The following NKAIN3 variants were observed in gnomAD, a reference collection of about 807,000 sequenced individuals.
NKAIN3 encodes sodium/potassium transporting ATPase interacting 3.
In NKAIN3, 25 loss-of-function variants were observed where a neutral mutation model predicts 30.2. The ratio of observed to expected loss-of-function variants is 0.83; its 90% confidence interval spans 0.60 to 1.16. The LOEUF (loss-of-function observed/expected upper bound fraction) is 1.16, where lower values mean the gene tolerates loss of function less well. Among genes scored for constraint, NKAIN3 ranks in the 50% most tolerant of loss-of-function variants. NKAIN3 has a pLI of 0.00. For missense variants in NKAIN3, 225 were observed against 254.1 expected, an observed-to-expected ratio of 0.89 and a Z score of 0.78; for synonymous variants, 91 against 89.6, an observed-to-expected ratio of 1.02 and a Z score of -0.09.
chr8:62,270,059 T>C (rs575818639), intron 1 of NKAIN3, among the ~76,000 whole-genome samples: 12 of 152,154 alleles, frequency 7.9e-5, no homozygotes, highest in African/African-American at 2.9e-4. Context: ...TATTTTTCCA[T>C]TGTTTTGTAA....
intron 5 of NKAIN3, among the ~76,000 whole-genome samples, chr8:62,995,139 T>G (rs1227046803): frequency 6.6e-6 from 1 of 152,192 alleles, no homozygotes; most frequent in African/African-American, 2.4e-5. Flanking sequence ...ATTAAATAGC[T>G]CTACAGATGC....
intron 4 of NKAIN3, among the ~76,000 whole-genome samples, chr8:62,747,584 C>T (rs889608960): frequency 5.9e-5 from 9 of 152,194 alleles, no homozygotes; most frequent in African/African-American, 2.2e-4. Context: ...AGACTCTTCG[C>T]ATTTTAGTGC....
intron 1 of NKAIN3, among the ~76,000 whole-genome samples, chr8:62,459,889 G>C (rs1314707601): frequency 1.3e-5 from 2 of 152,206 alleles, no homozygotes; most frequent in East Asian, 3.9e-4. Context: ...GTCATGCTAA[G>C]AACTTAGTGT....
intron 6 of NKAIN3, among the ~76,000 whole-genome samples, chr8:62,954,352 A>G (rs1430021748): frequency 1.3e-5 from 2 of 152,198 alleles, no homozygotes; most frequent in Non-Finnish European, 2.9e-5. Flanking sequence ...TGTGACATCC[A>G]GGTGCCTTCC....
intron 3 of NKAIN3, among the ~76,000 whole-genome samples, chr8:62,683,340 G>A (rs367783840): frequency 6.6e-6 from 1 of 151,994 alleles, no homozygotes; most frequent in South Asian, 2.1e-4. Flanking sequence ...GGCCACTATG[G>A]GTCAGTTTTT....
At chr8:62,711,758 T>C (rs1475028294) in intron 3 of NKAIN3, among the ~76,000 whole-genome samples, 1 of 152,216 alleles carries the variant, frequency 6.6e-6, no homozygotes, top group Non-Finnish European at 1.5e-5. Context: ...GCATTTCTTC[T>C]TGGTTTGGAT....
intron 4 of NKAIN3, among the ~76,000 whole-genome samples, chr8:62,786,111 T>C (rs769136139): frequency 6.6e-6 from 1 of 152,076 alleles, no homozygotes; most frequent in Non-Finnish European, 1.5e-5. Flanking sequence ...TCAATTCAAG[T>C]GCTCCCAACC....
At chr8:62,256,323 G>A (rs546525208) in intron 1 of NKAIN3, among the ~76,000 whole-genome samples, 2 of 152,258 alleles carry the variant, frequency 1.3e-5, no homozygotes, top group African/African-American at 4.8e-5. Flanking sequence ...GGAGATTGAG[G>A]TGGGAGGATT....
At chr8:62,752,209 G>A (rs1816304158) in intron 4 of NKAIN3, among the ~76,000 whole-genome samples, 1 of 152,170 alleles carries the variant, frequency 6.6e-6, no homozygotes, top group Non-Finnish European at 1.5e-5. Flanking sequence ...GAGAATGTCA[G>A]TAAAATGTTC....
chr8:62,276,168 C>T (rs891021302), intron 1 of NKAIN3, among the ~76,000 whole-genome samples: 6 of 152,104 alleles, frequency 3.9e-5, no homozygotes, highest in African/African-American at 1.2e-4. Context: ...TGGGCTCACG[C>T]GATTCTCTTG....
intron 3 of NKAIN3, among the ~76,000 whole-genome samples, chr8:62,668,059 A>G (rs1813182530): frequency 6.6e-6 from 1 of 151,888 alleles, no homozygotes; most frequent in African/African-American, 2.4e-5. Context: ...ATGCCCTTGA[A>G]CACCCTACGT....
chr8:62,981,925 T>C lies in NKAIN3; in HGVS notation c.*16518T>C, dbSNP rs1433241979. ...AACTCTTAACGATACACAGTTCGAA[T>C]TATCTAAATGAAATAATTTTCAAGC... On this transcript the variant is annotated 3_prime_UTR_variant, in exon 7 of 7. Transcript: ENST00000623646. The C allele has an allele frequency of 2.0e-5, 3 of 152,162 alleles. No homozygotes were observed. The highest frequency in any genetic ancestry group is 7.2e-5 in the African/African-American group (3 of 41,448). The allele number at this position is 152,162 out of a possible 1,614,324, so 9.4% of individuals were successfully genotyped here.
chr8:62,297,867 T>C (rs905631081), intron 1 of NKAIN3, among the ~76,000 whole-genome samples: 6 of 152,126 alleles, frequency 3.9e-5, no homozygotes, highest in Non-Finnish European at 8.8e-5. Context: ...TAAAGACACA[T>C]GCACATGTAT....
intron 1 of NKAIN3, among the ~76,000 whole-genome samples, chr8:62,498,543 A>G (rs1203735029): frequency 6.6e-6 from 1 of 151,818 alleles, no homozygotes. Context: ...GATAACTACT[A>G]TAATCTCATT....
chr8:62,905,908 T>A (rs970142556), intron 4 of NKAIN3, among the ~76,000 whole-genome samples: 1 of 152,350 alleles, frequency 6.6e-6, no homozygotes, highest in African/African-American at 2.4e-5. Flanking sequence ...TCTACAGATA[T>A]TCTATTAACC....
chr8:62,905,707 A>G (rs1262064834), intron 4 of NKAIN3, among the ~76,000 whole-genome samples: 1 of 152,178 alleles, frequency 6.6e-6, no homozygotes, highest in Admixed American at 6.5e-5. Flanking sequence ...TTAACCAATC[A>G]GAGACCTTTA....
intron 4 of NKAIN3, among the ~76,000 whole-genome samples, chr8:62,781,270 A>T (rs1362909665): frequency 1.3e-5 from 2 of 151,964 alleles, no homozygotes; most frequent in Non-Finnish European, 2.9e-5. Flanking sequence ...CACTGATGAA[A>T]GAAATGAGGA....
At chr8:62,360,796 G>C (rs1759177726) in intron 1 of NKAIN3, among the ~76,000 whole-genome samples, 1 of 152,078 alleles carries the variant, frequency 6.6e-6, no homozygotes, top group Admixed American at 6.5e-5. Context: ...TTATGAATCT[G>C]GGTGCCCCTG....
intron 1 of NKAIN3, among the ~76,000 whole-genome samples, chr8:62,346,624 G>A (rs540784323): frequency 6.6e-6 from 1 of 152,198 alleles, no homozygotes; most frequent in Admixed American, 6.6e-5. Flanking sequence ...GTCTGGAAGT[G>A]GCACAACATG....
Sources: allele counts gnomAD v4.1 joint callset (sites outside exome capture counted in the v4.1 genomes callset), GRCh38; gene constraint gnomAD v4.1.1; transcripts MANE v1.5; gene names NCBI Gene and HGNC (gene_info 2026-07-23, HGNC 2026-07-21).